Variants in GAS7 observed in about 807,000 individuals in gnomAD.
GAS7 encodes growth arrest specific 7, also known as growth arrest-specific protein 7.
A neutral mutation model predicts 71.1 loss-of-function variants in GAS7; 28 were observed. That is an observed-to-expected ratio of 0.39 (90% CI 0.29 to 0.54). The LOEUF is 0.54. GAS7 is among the 20% of genes least tolerant of loss of function. The pLI is 0.62. For synonymous variants in GAS7, 258 were observed against 245.8 expected (o/e 1.05, Z -0.46); for missense variants, 436 against 627.8 (o/e 0.69, Z 3.27).
At chr17:10,036,060 T>C (rs1003459570) in intron 1 of GAS7, among the ~76,000 whole-genome samples, 1 of 152,170 alleles carries the variant, frequency 6.6e-6, no homozygotes, top group Non-Finnish European at 1.5e-5. Flanking sequence ...TTGGACTCCA[T>C]TAAAATCACA....
At chr17:9,967,915 A>G (rs11649731) in intron 4 of GAS7, among the ~76,000 whole-genome samples, 74,434 of 152,100 alleles carry the variant, frequency 0.49, 18,301 homozygotes, top group African/African-American at 0.52. Context: ...AGCTTCTGAG[A>G]TATCAGTTAT....
At chr17:9,918,256 A>G (rs2067664193) in intron 12 of GAS7, among the ~76,000 whole-genome samples, 157 bp from the exon 13 acceptor site, 1 of 151,306 alleles carries the variant, frequency 6.6e-6, no homozygotes, top group Non-Finnish European at 1.5e-5. Flanking sequence ...TCTAAGGTGA[A>G]GGTGAAGCTG....
intron 1 of GAS7, among the ~76,000 whole-genome samples, chr17:10,159,543 C>G (rs1478153142): frequency 6.6e-6 from 1 of 150,756 alleles, no homozygotes; most frequent in Admixed American, 6.6e-5. Flanking sequence ...GCCAGATGCA[C>G]CCCCCCCAAC....
chr17:9,995,670 G>A (rs2071015120), intron 2 of GAS7, among the ~76,000 whole-genome samples: 1 of 152,130 alleles, frequency 6.6e-6, no homozygotes, highest in African/African-American at 2.4e-5. Flanking sequence ...ATCTAACCAG[G>A]ATCTGCAAAA....
chr17:10,056,469 T>A (rs148478910), intron 1 of GAS7, among the ~76,000 whole-genome samples: 15 of 151,974 alleles, frequency 9.9e-5, no homozygotes, highest in Non-Finnish European at 1.9e-4. Context: ...CACTTCAGGC[T>A]GGGGAACAGA....
intron 1 of GAS7, among the ~76,000 whole-genome samples, chr17:10,105,693 C>T (rs1294728986): frequency 2.6e-5 from 4 of 152,196 alleles, no homozygotes; most frequent in Non-Finnish European, 5.9e-5. Context: ...CCAAAGAAGC[C>T]ACCCACTTCC....
intron 1 of GAS7, among the ~76,000 whole-genome samples, chr17:10,195,917 T>C (rs1450225711): frequency 6.6e-6 from 1 of 152,154 alleles, no homozygotes; most frequent in Admixed American, 6.5e-5. Context: ...GCTTTGGCCC[T>C]GAGAAGAGTC....
chr17:9,963,413 A>C (rs2069580098), intron 4 of GAS7, among the ~76,000 whole-genome samples: 1 of 152,160 alleles, frequency 6.6e-6, no homozygotes, highest in African/African-American at 2.4e-5. Context: ...AATTGTATAC[A>C]CTTTAAATGG....
At chr17:9,983,794 A>G (rs1197264353) in intron 2 of GAS7, among the ~76,000 whole-genome samples, 1 of 152,146 alleles carries the variant, frequency 6.6e-6, no homozygotes, top group East Asian at 1.9e-4. Flanking sequence ...CTCAAAAATA[A>G]ATAAACAAAT....
chr17:9,941,203 C>T (rs1304537651), intron 7 of GAS7, among the ~76,000 whole-genome samples: 1 of 152,244 alleles, frequency 6.6e-6, no homozygotes, highest in Admixed American at 6.5e-5. Context: ...TTCCCCTCAC[C>T]TCCACCTTCA....
rs200693419 is a variant in GAS7 at position 10,016,134 on chromosome 17, C to T, written c.304+3643G>A. The stretch of plus-strand genomic sequence containing the variant: ...GGCACGGTGGCTCACGCCTGTAATG[C>T]CAGTACTTTGGGAGGCCGAGGCAGG... On this transcript the variant is annotated intron_variant, in intron 2 of 13. Transcript: ENST00000432992. Among the ~76,000 whole-genome samples, 97 of 150,282 alleles carry T rather than the reference C, an allele frequency of 6.5e-4. 2 individuals carry two copies. In the East Asian group the frequency reaches 0.016, roughly 24 times the overall value.
At chr17:10,167,769 G>A (rs539827130) in intron 1 of GAS7, among the ~76,000 whole-genome samples, 1 of 152,194 alleles carries the variant, frequency 6.6e-6, no homozygotes, top group East Asian at 1.9e-4. Flanking sequence ...CACAATCACA[G>A]CCCACAGGAG....
chr17:9,996,498 C>G (rs527315767), intron 2 of GAS7, among the ~76,000 whole-genome samples: 1 of 149,684 alleles, frequency 6.7e-6, no homozygotes, highest in South Asian at 2.1e-4. Flanking sequence ...GTGCAGCACA[C>G]CAACATGGCA....
chr17:9,954,039 G>A (rs1567816884), intron 5 of GAS7, among the ~76,000 whole-genome samples: 1 of 152,212 alleles, frequency 6.6e-6, no homozygotes, highest in East Asian at 1.9e-4. Flanking sequence ...GAGGGTCCAG[G>A]GGAGGAATCT....
intron 1 of GAS7, among the ~76,000 whole-genome samples, chr17:10,158,265 G>A (rs896592936): frequency 3.3e-5 from 5 of 149,634 alleles, no homozygotes; most frequent in Admixed American, 1.3e-4. Context: ...CACCCACCTC[G>A]GCCTCCCAAA....
At chr17:10,138,507 G>T (rs1269191907) in intron 1 of GAS7, among the ~76,000 whole-genome samples, 1 of 151,962 alleles carries the variant, frequency 6.6e-6, no homozygotes, top group Non-Finnish European at 1.5e-5. Flanking sequence ...GCTCACGCCT[G>T]TATTACCAGC....
At chr17:10,112,064 T>C (rs2073818773) in intron 1 of GAS7, among the ~76,000 whole-genome samples, 1 of 152,192 alleles carries the variant, frequency 6.6e-6, no homozygotes, top group Non-Finnish European at 1.5e-5. Context: ...GTCACAAAAG[T>C]AGAACATTGC....
chr17:9,923,098 G>A (rs1365942964), intron 11 of GAS7, among the ~76,000 whole-genome samples: 1 of 152,140 alleles, frequency 6.6e-6, no homozygotes, highest in South Asian at 2.1e-4. Flanking sequence ...TAGTAGAGAC[G>A]AGGTTTCACT....
chr17:10,115,271 G>C lies in GAS7; in HGVS notation c.183+82937C>G, dbSNP rs1222851238. Among the ~76,000 whole-genome samples, 4 of 152,372 alleles carry C rather than the reference G, an allele frequency of 2.6e-5. No individual in the cohort carries two copies. In the East Asian group the frequency reaches 7.7e-4, roughly 29 times the overall value. On this transcript the variant is annotated intron_variant, in intron 1 of 13. Coordinates refer to ENST00000432992, the MANE Select transcript of GAS7 (RefSeq NM_201433.2). ...TGAGTCACCAGCCAGCAGAGGGAAG[G>C]ACCAGGGACGGAAGGAGGGAGGGGA...
Sources: allele counts gnomAD v4.1 joint callset (sites outside exome capture counted in the v4.1 genomes callset), GRCh38; gene constraint gnomAD v4.1.1; transcripts MANE v1.5; gene names NCBI Gene and HGNC (gene_info 2026-07-23, HGNC 2026-07-21).